CTNND2: variants seen among roughly 807,000 people sequenced by gnomAD.
The protein encoded by CTNND2 is catenin delta-2.
In CTNND2, 22 loss-of-function variants were observed where a neutral mutation model predicts 144.4. The observed-to-expected ratio is 0.15, with a 90% confidence interval of 0.11 to 0.22. CTNND2 has a LOEUF of 0.22. Among genes scored for constraint, CTNND2 ranks in the 10% least tolerant of loss-of-function variants. The probability of loss-of-function intolerance (pLI) is 1.00; values close to 1 mark genes in which losing one functional copy is unlikely to be tolerated. For synonymous variants in CTNND2, 751 were observed against 695.6 expected (o/e 1.08, Z -1.25); for missense variants, 1,353 against 1,618.8 (o/e 0.84, Z 2.82).
chr5:11,015,271 G>T (rs902963827), intron 18 of CTNND2, among the ~76,000 whole-genome samples: 46 of 152,172 alleles, frequency 3.0e-4, no homozygotes, highest in African/African-American at 1.1e-3. Flanking sequence ...TTTTCAAAAG[G>T]AAAGCTTTTT....
At chr5:11,290,135 A>G (rs114620354) in intron 9 of CTNND2, among the ~76,000 whole-genome samples, 1,813 of 152,218 alleles carry the variant, frequency 0.012, 29 homozygotes, top group African/African-American at 0.041. Context: ...GAATAGCAGC[A>G]TTTTTACATG....
chr5:11,617,659 G>C (rs16901796), intron 2 of CTNND2, among the ~76,000 whole-genome samples: 1 of 152,124 alleles, frequency 6.6e-6, no homozygotes, highest in East Asian at 1.9e-4. Flanking sequence ...AGAGGAATAT[G>C]AGCCAGTTTG....
At chr5:11,125,564 C>T (rs1177394929) in intron 12 of CTNND2, among the ~76,000 whole-genome samples, 2 of 152,152 alleles carry the variant, frequency 1.3e-5, no homozygotes, top group Non-Finnish European at 2.9e-5. Flanking sequence ...TCTCAGTAAA[C>T]GTTAGCTGAG....
chr5:11,186,709 G>A (rs1046923708), intron 11 of CTNND2, among the ~76,000 whole-genome samples: 12 of 152,202 alleles, frequency 7.9e-5, no homozygotes, highest in Non-Finnish European at 1.5e-5. Context: ...ATTGCTAAAT[G>A]TGTGGATTCC....
intron 11 of CTNND2, among the ~76,000 whole-genome samples, chr5:11,195,708 TA>T (rs1736794730): frequency 6.6e-6 from 1 of 152,270 alleles, no homozygotes; most frequent in African/African-American, 2.4e-5. Flanking sequence ...AAAACCATTT[TA>T]TTATAATTTG....
intron 18 of CTNND2, among the ~76,000 whole-genome samples, chr5:11,017,144 A>T (rs1038274948): frequency 6.6e-6 from 1 of 151,256 alleles, no homozygotes; most frequent in African/African-American, 2.4e-5. Context: ...ATAAAACAAC[A>T]ACTTCTGGGA....
Position 11,411,544 on chromosome 5 carries a change from G to C in CTNND2, c.431C>G (p.Thr144Arg). 6.3e-7 allele frequency: 1 copy of C among 1,576,438 alleles called. No individual in the cohort carries two copies. Among genetic ancestry groups the C allele is most frequent in the South Asian group, 1.1e-5 (1 of 89,034 alleles). ...ACTGCCACGTGACTTACTTTCACCT[G>C]TAGAATAATCCTGTGGGTCAAGTAT... is the stretch of plus-strand genomic sequence containing the variant. ...SGILDPQDYSTGERPSLLSQS... is the reference protein window; with the variant it reads ...SGILDPQDYSRGERPSLLSQS... The change falls in exon 5 of 22, where the codon ACA becomes AGA. Residue 144 changes from threonine (T) to arginine (R), a missense_variant. By Grantham distance (71) the Thr-to-Arg change is moderately conservative. Transcript: ENST00000304623.
chr5:11,111,136 A>G, intron 13 of CTNND2, 93 bp from the exon 14 acceptor site: 1 of 1,346,462 alleles, frequency 7.4e-7, no homozygotes. Flanking sequence ...CTCCATGGAC[A>G]CATTTCTCTT....
chr5:11,817,340 A>G (rs1249151125), intron 1 of CTNND2, among the ~76,000 whole-genome samples: 1 of 13,970 alleles, frequency 7.2e-5, no homozygotes, highest in African/African-American at 3.3e-4. Context: ...AGAGAGGAGG[A>G]GAGAGAGAGA....
intron 18 of CTNND2, among the ~76,000 whole-genome samples, chr5:11,001,002 T>C (rs1299297057): frequency 6.6e-6 from 1 of 152,144 alleles, no homozygotes; most frequent in Non-Finnish European, 1.5e-5. Flanking sequence ...AAGTGCTAAA[T>C]CCCAGGAGGC....
chr5:11,406,838 C>T (rs537737643), intron 5 of CTNND2, among the ~76,000 whole-genome samples: 4 of 150,872 alleles, frequency 2.7e-5, no homozygotes. Flanking sequence ...TTTTTTTTAA[C>T]CATAACACTC....
chr5:11,248,403 AATAT>A (rs906345992), intron 9 of CTNND2, among the ~76,000 whole-genome samples: 16 of 151,994 alleles, frequency 1.1e-4, no homozygotes, highest in Non-Finnish European at 2.9e-5. Flanking sequence ...CTGTGTGTAT[AATAT>A]ATAGTGTGTA....
intron 3 of CTNND2, among the ~76,000 whole-genome samples, chr5:11,550,413 G>A (rs1171406525): frequency 2.6e-5 from 4 of 152,218 alleles, no homozygotes; most frequent in Admixed American, 6.5e-5. Context: ...TCAAAATGAC[G>A]AGGACTTCCC....
chr5:11,375,227 T>C (rs1420246909), intron 7 of CTNND2, among the ~76,000 whole-genome samples: 1 of 152,172 alleles, frequency 6.6e-6, no homozygotes, highest in East Asian at 1.9e-4. Flanking sequence ...TCTACTTCTT[T>C]GTATCTTTCA....
At chr5:11,481,459 C>T (rs921544574) in intron 3 of CTNND2, among the ~76,000 whole-genome samples, 4 of 152,094 alleles carry the variant, frequency 2.6e-5, no homozygotes, top group Non-Finnish European at 5.9e-5. Context: ...AAAAATTAGC[C>T]GGGTGTGGTG....
intron 1 of CTNND2, 104 bp from the exon 2 acceptor site, chr5:11,732,376 T>A (rs1787441055): frequency 1.8e-6 from 2 of 1,138,930 alleles, no homozygotes; most frequent in Admixed American, 4.5e-5. Context: ...AGTAAAACTA[T>A]AAGCTGCTGA....
chr5:11,507,821 G>C (rs1189368315), intron 3 of CTNND2, among the ~76,000 whole-genome samples: 1 of 152,162 alleles, frequency 6.6e-6, no homozygotes, highest in Non-Finnish European at 1.5e-5. Flanking sequence ...GACCCAAGGA[G>C]TCTTAAGGAC....
intron 1 of CTNND2, among the ~76,000 whole-genome samples, chr5:11,802,853 C>T (rs1791771635): frequency 6.6e-6 from 1 of 152,034 alleles, no homozygotes; most frequent in Non-Finnish European, 1.5e-5. Flanking sequence ...TGAGCATGTG[C>T]CTAGGAAATA....
chr5:11,412,167 T>A, intron 3 of CTNND2, 98 bp from the exon 4 acceptor site: 1 of 824,134 alleles, frequency 1.2e-6, no homozygotes, highest in Non-Finnish European at 2.1e-6. Flanking sequence ...GTAGTAACAG[T>A]GGCCCCGTTG....
Sources: allele counts gnomAD v4.1 joint callset (sites outside exome capture counted in the v4.1 genomes callset), GRCh38; gene constraint gnomAD v4.1.1; transcripts MANE v1.5; gene names NCBI Gene and HGNC (gene_info 2026-07-23, HGNC 2026-07-21).